RALA: variants seen among roughly 807,000 people sequenced by gnomAD.
RALA encodes RAS like proto-oncogene A.
A neutral mutation model predicts 24.0 loss-of-function variants in RALA; 5 were observed. That is an observed-to-expected ratio of 0.21 (90% CI 0.11 to 0.44). RALA has a LOEUF of 0.44. Ranked by LOEUF, RALA falls within the 20% of genes least tolerant of loss-of-function variation. The pLI is 0.99. For missense variants in RALA, 95 were observed against 241.2 expected (o/e 0.39, Z 4.01); for synonymous variants, 77 against 83.8 (o/e 0.92, Z 0.44).
intron 1 of RALA, among the ~76,000 whole-genome samples, chr7:39,627,523 A>T (rs967543741): frequency 1.3e-5 from 2 of 152,204 alleles, no homozygotes; most frequent in South Asian, 2.1e-4. Context: ...GGGTTTGGTA[A>T]TGTTATTTTG....
chr7:39,665,636 G>A (rs868424827), intron 1 of RALA, among the ~76,000 whole-genome samples: 1 of 142,020 alleles, frequency 7.0e-6, no homozygotes, highest in South Asian at 2.2e-4. Context: ...TCATAAATGA[G>A]ACTGCAATGT....
At chr7:39,656,494 A>G (rs1325816394) in intron 1 of RALA, among the ~76,000 whole-genome samples, 1 of 152,172 alleles carries the variant, frequency 6.6e-6, no homozygotes, top group African/African-American at 2.4e-5. Flanking sequence ...AAAAAAAGGT[A>G]ATTTATGAGC....
intron 4 of RALA, chr7:39,700,403 T>C (rs2116109847): frequency 6.6e-6 from 1 of 152,388 alleles, no homozygotes; most frequent in Admixed American, 6.5e-5. Flanking sequence ...CTGGCCATTA[T>C]CCAAGGATGC....
At chr7:39,663,750 G>T (rs1792238451) in intron 1 of RALA, among the ~76,000 whole-genome samples, 1 of 152,142 alleles carries the variant, frequency 6.6e-6, no homozygotes, top group Admixed American at 6.5e-5. Flanking sequence ...TTTTATGAGG[G>T]TGCAGGGTTG....
intron 1 of RALA, among the ~76,000 whole-genome samples, chr7:39,644,108 T>C (rs1273161290): frequency 1.3e-5 from 2 of 152,154 alleles, no homozygotes; most frequent in African/African-American, 4.8e-5. Flanking sequence ...TGAATATAAC[T>C]CAGAAATCAA....
At chr7:39,700,887 A>AG (rs1793014793) in intron 4 of RALA, 1 of 152,242 alleles carries the variant, frequency 6.6e-6, no homozygotes, top group Non-Finnish European at 1.5e-5. Context: ...GTGGCTACAT[A>AG]AAAGTCATTT....
chr7:39,659,702 GC>G (rs762038034), intron 1 of RALA, among the ~76,000 whole-genome samples: 5 of 152,064 alleles, frequency 3.3e-5, no homozygotes, highest in Non-Finnish European at 7.4e-5. Flanking sequence ...CACTAAATAA[GC>G]CCAAAAATAT....
rs140122785 is a variant in RALA at position 39,631,520 on chromosome 7, T to C, written c.-38+7695T>C. On this transcript the variant is annotated intron_variant, in intron 1 of 4. Transcript: ENST00000005257. ...AGTACAGGTGTGTGCCACCATGCCCTGCTAGAGAATTGACATCTTGATGGT... is the reference window on the plus strand; with the variant it reads ...AGTACAGGTGTGTGCCACCATGCCCCGCTAGAGAATTGACATCTTGATGGT... Among the ~76,000 whole-genome samples the C allele has an allele frequency of 3.8e-3, 580 of 152,274 alleles. 4 individuals carry two copies. Among genetic ancestry groups the C allele is most frequent in the African/African-American group, 0.014 (562 of 41,558 alleles).
intron 4 of RALA, among the ~76,000 whole-genome samples, chr7:39,697,828 TA>T (rs1442590330): frequency 2.0e-5 from 3 of 152,172 alleles, no homozygotes; most frequent in Admixed American, 2.0e-4. Flanking sequence ...GTTGCTGTCT[TA>T]AGCTTCTTAA....
chr7:39,696,436 A>T (rs1324247286), intron 3 of RALA, among the ~76,000 whole-genome samples: 1 of 152,226 alleles, frequency 6.6e-6, no homozygotes, highest in African/African-American at 2.4e-5. Flanking sequence ...GACATGACGA[A>T]ACTAAATGTC....
chr7:39,706,943 G>C lies in RALA; in HGVS notation c.*698G>C, dbSNP rs1490261048. 6.6e-6 allele frequency: 1 copy of C among 152,570 alleles called. No homozygotes were observed. The highest frequency in any genetic ancestry group is 2.4e-5 in the African/African-American group (1 of 41,430). The allele number at this position is 152,570 out of a possible 1,614,324, so 9.5% of individuals were successfully genotyped here. A position where few individuals can be genotyped will look rare whatever the true frequency, so the allele number is the denominator to read the frequency against. On this transcript the variant is annotated 3_prime_UTR_variant, in exon 5 of 5. Transcript: ENST00000005257. The stretch of plus-strand genomic sequence containing the variant: ...CATGTGTCCTGGTGAGAAAATATAT[G>C]CCTGGCACAGCTTTTGTATAGAAAA...
chr7:39,661,123 C>G (rs548960511), intron 1 of RALA, among the ~76,000 whole-genome samples: 25 of 152,288 alleles, frequency 1.6e-4, no homozygotes, highest in Non-Finnish European at 2.6e-4. Flanking sequence ...GACTTATTCA[C>G]TACCAAAAGA....
At chr7:39,630,148 A>T (rs999218843) in intron 1 of RALA, among the ~76,000 whole-genome samples, 14 of 151,212 alleles carry the variant, frequency 9.3e-5, no homozygotes, top group Admixed American at 5.3e-4. Context: ...GACTCAAGTG[A>T]TCTTCCCACC....
At chr7:39,672,873 A>G (rs1315162612) in intron 1 of RALA, among the ~76,000 whole-genome samples, 1 of 152,204 alleles carries the variant, frequency 6.6e-6, no homozygotes, top group East Asian at 1.9e-4. Flanking sequence ...AATGTTCTGT[A>G]CCTTGATTGT....
At chr7:39,672,715 T>C (rs1022803632) in intron 1 of RALA, among the ~76,000 whole-genome samples, 3 of 150,040 alleles carry the variant, frequency 2.0e-5, no homozygotes, top group African/African-American at 4.9e-5. Flanking sequence ...AAAAGCCTTG[T>C]CTAACAGAAA....
At chr7:39,696,954 A>T in intron 4 of RALA, 95 bp downstream of exon 4, 1 of 1,192,694 alleles carries the variant, frequency 8.4e-7, no homozygotes, top group South Asian at 1.5e-5. Context: ...GAAACTTTCA[A>T]ATAGAGGTTT....
chr7:39,697,965 GTGTGTGTGTA>G (rs1554298441), intron 4 of RALA, among the ~76,000 whole-genome samples: 1 of 137,246 alleles, frequency 7.3e-6, no homozygotes, highest in East Asian at 2.0e-4. Context: ...GTGTGTGTGT[GTGTGTGTGTA>G]TGTGTGTGTA....
At chr7:39,697,117 CT>C (rs368430066) in intron 4 of RALA, among the ~76,000 whole-genome samples, 63 of 152,188 alleles carry the variant, frequency 4.1e-4, no homozygotes, top group Admixed American at 1.2e-3. Flanking sequence ...GCATTCCTGA[CT>C]TTTTTCCCCC....
At position 39,657,634 on chromosome 7, in the gene RALA, A is replaced by G. The variant is rs556588666; in HGVS notation, c.-37-28997A>G. Among the ~76,000 whole-genome samples the G allele has an allele frequency of 4.6e-5, 7 of 152,282 alleles. No homozygotes were observed. In the South Asian group the frequency reaches 8.3e-4, roughly 18 times the overall value. On this transcript the variant is annotated intron_variant, in intron 1 of 4. Coordinates refer to ENST00000005257, the MANE Select transcript of RALA (RefSeq NM_005402.4). ...GGCCTGTAAGCCTTAAGTGATAATGAAATGCAGCCAGACATGGTGGCTGAC... is the reference window on the plus strand; with the variant it reads ...GGCCTGTAAGCCTTAAGTGATAATGGAATGCAGCCAGACATGGTGGCTGAC...
Sources: allele counts gnomAD v4.1 joint callset (sites outside exome capture counted in the v4.1 genomes callset), GRCh38; gene constraint gnomAD v4.1.1; transcripts MANE v1.5; gene names NCBI Gene and HGNC (gene_info 2026-07-23, HGNC 2026-07-21).